TDP1: variants seen among roughly 807,000 people sequenced by gnomAD.
The protein encoded by TDP1 is tyr-DNA phosphodiesterase 1.
In TDP1, 64 loss-of-function variants were observed where a neutral mutation model predicts 81.5. The ratio of observed to expected loss-of-function variants is 0.79; its 90% CI spans 0.64 to 0.97. The LOEUF (loss-of-function observed/expected upper bound fraction) is 0.97. Ranked by LOEUF, TDP1 falls within the 50% of genes least tolerant of loss-of-function variation. The pLI is 0.00. For synonymous variants in TDP1, 256 were observed against 264.3 expected (o/e 0.97, Z 0.30); for missense variants, 723 against 743.8 (o/e 0.97, Z 0.33).
chr14:89,977,644 A>C lies in TDP1; in HGVS notation c.791+1829A>C, dbSNP rs74244546. Reference sequence around the variant, plus strand: ...ATTAAATACTTCTTATGTTCTTGACACAGCTCAAGAGGATATAGAGTTTTT... The same window carrying C: ...ATTAAATACTTCTTATGTTCTTGACCCAGCTCAAGAGGATATAGAGTTTTT... On this transcript the variant is annotated intron_variant, in intron 7 of 16. Transcript: ENST00000335725. Among the ~76,000 whole-genome samples, 78 of 152,356 alleles carry C rather than the reference A, an allele frequency of 5.1e-4. No individual in the cohort carries two copies. The East Asian group carries it at 0.015, about 29-fold the overall frequency.
At chr14:90,031,194 G>A (rs1887243459) in intron 15 of TDP1, among the ~76,000 whole-genome samples, 1 of 151,446 alleles carries the variant, frequency 6.6e-6, no homozygotes, top group Non-Finnish European at 1.5e-5. Context: ...TGCCATGCTG[G>A]TGTGCTGCAC....
At chr14:89,976,527 CTTTTTTTT>C (rs35744477) in intron 7 of TDP1, among the ~76,000 whole-genome samples, 1 of 88,762 alleles carries the variant, frequency 1.1e-5, no homozygotes, top group African/African-American at 5.0e-5. Context: ...CAACAGAGCT[CTTTTTTTT>C]TTTTTTTTTT....
intron 8 of TDP1, chr14:89,983,349 T>A (rs1221571018): frequency 1.1e-5 from 3 of 272,548 alleles, no homozygotes; most frequent in Non-Finnish European, 1.5e-5. Flanking sequence ...CCTCCTGTGC[T>A]AAGTGTCTCC....
chr14:90,042,507 C>A (rs891333298), intron 16 of TDP1, among the ~76,000 whole-genome samples: 1 of 152,194 alleles, frequency 6.6e-6, no homozygotes, highest in East Asian at 1.9e-4. Flanking sequence ...CTGTATTAGT[C>A]TGTCCTCACA....
chr14:90,029,498 C>CTTTTT lies in TDP1; in HGVS notation c.1645-3595_1645-3591dup, dbSNP rs551041373. Among the ~76,000 whole-genome samples, 116 of 122,780 alleles carry CTTTTT rather than the reference C, an allele frequency of 9.4e-4. 1 individual carries two copies. Among genetic ancestry groups the CTTTTT allele is most frequent in the African/African-American group, 3.5e-3 (105 of 30,122 alleles). 80.5% of individuals were successfully genotyped at this position (122,780 alleles called of 152,430 possible). ...ACAGGCATGAGCCACCGCACCCGGC[C>CTTTTT]TTTTTTTTTTTTTTTTTGAGACAGA... is the stretch of plus-strand genomic sequence containing the variant. On this transcript the variant is annotated intron_variant, in intron 15 of 16. Coordinates refer to ENST00000335725, the MANE Select transcript of TDP1 (RefSeq NM_018319.4).
At chr14:89,996,537 C>T (rs1896665652) in intron 14 of TDP1, among the ~76,000 whole-genome samples, 4 of 152,172 alleles carry the variant, frequency 2.6e-5, no homozygotes, top group South Asian at 2.1e-4. Context: ...TCCTTAGATC[C>T]GTGTGCCACC....
chr14:89,977,225 A>G (rs1894441910), intron 7 of TDP1, among the ~76,000 whole-genome samples: 1 of 152,248 alleles, frequency 6.6e-6, no homozygotes, highest in African/African-American at 2.4e-5. Context: ...TGTAGTTTAC[A>G]TTTTGTTGAA....
intron 14 of TDP1, among the ~76,000 whole-genome samples, chr14:90,017,309 G>C (rs929925521): frequency 1.4e-5 from 2 of 145,106 alleles, no homozygotes; most frequent in Non-Finnish European, 2.9e-5. Context: ...AGGTGCCCGT[G>C]ATTCAAAGTA....
rs138581433 is a variant in TDP1 at position 89,984,382 on chromosome 14, A to G, written c.885-134A>G. On this transcript the variant is annotated intron_variant, in intron 8 of 16. Transcript: ENST00000335725. ...AGTGGTGTTCTCAGATTTATGTTTC[A>G]TGTTTCCTAAGATTACTTACCATGT... 1.1e-3 allele frequency: 1,703 copies of G among 1,565,524 alleles called. 9 individuals are homozygous for G. The highest frequency in any genetic ancestry group is 7.7e-4 in the Non-Finnish European group (896 of 1,163,032).
In TDP1 at chr14:89,963,484, G is replaced by T; in HGVS notation, c.370G>T (p.Ala124Ser). ...KDISAPNDGT[A>S]QRTENHGAPA... ...CATCTCTGCTCCCAATGACGGCACT[G>T]CCCAAAGAACTGAAAATCATGGCGC... The change falls in exon 3 of 17, where the codon GCC becomes TCC. Residue 124 changes from alanine (A) to serine (S), a missense_variant. Transcript: ENST00000335725. 1 of 1,606,262 alleles carries T rather than the reference G, an allele frequency of 6.2e-7. No individual in the cohort carries two copies. Among genetic ancestry groups the T allele is most frequent in the Non-Finnish European group, 8.5e-7 (1 of 1,175,862 alleles).
Position 89,986,759 on chromosome 14 carries a change from C to T in TDP1, c.1131+1549C>T, listed in dbSNP as rs34203534. Among the ~76,000 whole-genome samples the T allele has an allele frequency of 1.9e-3, 294 of 152,316 alleles. 1 individual carries two copies. The highest frequency in any genetic ancestry group is 6.7e-3 in the African/African-American group (278 of 41,578). ...GTCGGTTCAGCTCTGTTTCCTACACCATGCTGTACCCAAGGTGGACATGGA... is the reference window on the plus strand; with the variant it reads ...GTCGGTTCAGCTCTGTTTCCTACACTATGCTGTACCCAAGGTGGACATGGA... On this transcript the variant is annotated intron_variant, in intron 10 of 16. Coordinates refer to ENST00000335725, the MANE Select transcript of TDP1 (RefSeq NM_018319.4).
At chr14:89,987,474 T>C (rs1194862051) in intron 10 of TDP1, among the ~76,000 whole-genome samples, 1 of 152,226 alleles carries the variant, frequency 6.6e-6, no homozygotes, top group Non-Finnish European at 1.5e-5. Context: ...ACTGCTTTGC[T>C]CTTGGAGCAG....
At chr14:90,022,526 G>A (rs1169473513) in intron 15 of TDP1, among the ~76,000 whole-genome samples, 2 of 152,176 alleles carry the variant, frequency 1.3e-5, no homozygotes, top group Admixed American at 6.5e-5. Context: ...CTCCATTCCC[G>A]GAGAAAGAGC....
At chr14:89,992,887 T>A in intron 13 of TDP1, 1 of 977,796 alleles carries the variant, frequency 1.0e-6, no homozygotes, top group Non-Finnish European at 1.2e-6. Flanking sequence ...TTTGTGAATG[T>A]CAGCATTTGA....
At chr14:89,998,624 G>A (rs1896931093) in intron 14 of TDP1, among the ~76,000 whole-genome samples, 1 of 151,502 alleles carries the variant, frequency 6.6e-6, no homozygotes. Flanking sequence ...TCGGGTTGGG[G>A]AGGGAGGCTG....
At chr14:90,012,968 C>T (rs1884890908) in intron 14 of TDP1, among the ~76,000 whole-genome samples, 1 of 152,224 alleles carries the variant, frequency 6.6e-6, no homozygotes, top group East Asian at 1.9e-4. Context: ...TAAGATTTGA[C>T]TGCCCTGACA....
chr14:89,964,878 C>A, intron 3 of TDP1: 1 of 446,080 alleles, frequency 2.2e-6, no homozygotes, highest in Admixed American at 2.5e-5. Flanking sequence ...ATGTTACAAT[C>A]GTATTCCTTG....
At chr14:90,021,951 C>T (rs1886139115) in intron 15 of TDP1, among the ~76,000 whole-genome samples, 1 of 152,258 alleles carries the variant, frequency 6.6e-6, no homozygotes, top group African/African-American at 2.4e-5. Flanking sequence ...AGGCCCCACT[C>T]ACTATACCTA....
At chr14:89,991,601 G>A in intron 12 of TDP1, 3 of 985,070 alleles carry the variant, frequency 3.0e-6, no homozygotes, top group African/African-American at 1.7e-5. Flanking sequence ...CAGTATGTTT[G>A]TGTTACATGA....
Sources: allele counts gnomAD v4.1 joint callset (sites outside exome capture counted in the v4.1 genomes callset), GRCh38; gene constraint gnomAD v4.1.1; transcripts MANE v1.5; gene names NCBI Gene and HGNC (gene_info 2026-07-23, HGNC 2026-07-21).